PCDHA10: variants seen among roughly 807,000 people sequenced by gnomAD.
PCDHA10 encodes the protein protocadherin alpha-10.
A neutral mutation model predicts 61.2 loss-of-function variants in PCDHA10; 45 were observed. The observed-to-expected ratio is 0.74, with a 90% CI of 0.58 to 0.94. The LOEUF (loss-of-function observed/expected upper bound fraction) is 0.94, where lower values mean the gene tolerates loss of function less well. Ranked by LOEUF, PCDHA10 falls within the 40% of genes least tolerant of loss-of-function variation. The pLI is 0.00. For missense variants in PCDHA10, 1,278 were observed against 1,236.2 expected (o/e 1.03, Z -0.51); for synonymous variants, 602 against 548.8 (o/e 1.10, Z -1.35).
intron 3 of PCDHA10, among the ~76,000 whole-genome samples, chr5:140,999,772 T>A (rs1186405321): frequency 6.6e-6 from 1 of 152,182 alleles, no homozygotes; most frequent in Non-Finnish European, 1.5e-5. Flanking sequence ...CTTTATACTC[T>A]TAACCTAGAA....
At chr5:140,994,717 A>G (rs1350882833) in intron 3 of PCDHA10, among the ~76,000 whole-genome samples, 4 of 152,164 alleles carry the variant, frequency 2.6e-5, no homozygotes, top group African/African-American at 9.6e-5. Context: ...AAAAAAATTT[A>G]AAATACTGGG....
intron 1 of PCDHA10, among the ~76,000 whole-genome samples, chr5:140,925,385 C>G (rs559735505): frequency 6.4e-4 from 97 of 152,144 alleles, no homozygotes; most frequent in Non-Finnish European, 1.2e-3. Context: ...AATGAGTCTC[C>G]TTTTGGCTCG....
intron 1 of PCDHA10, chr5:140,869,781 T>C (rs781934601): frequency 6.2e-7 from 1 of 1,612,992 alleles, no homozygotes; most frequent in South Asian, 1.1e-5. Context: ...CTGGCACCGT[T>C]CGGCTGTTAG....
In PCDHA10 at chr5:140,857,500, G is replaced by A; in HGVS notation, c.1452G>A (p.Gln484=). The change falls in exon 1 of 4, where the codon CAG becomes CAA. Residue 484 remains glutamine (Q), a synonymous_variant. Transcript: ENST00000307360. The stretch of plus-strand genomic sequence containing the variant: ...TGTCTGCGTGGGACGCGGACGCGCA[G>A]GAGAACGCCCTGGTGTCCTACTCTC... ...FTVSAWDADA[Q]ENALVSYSLV... is the part of the protein sequence containing the mutation. 1.3e-6 allele frequency: 2 copies of A among 1,598,362 alleles called. 1 individual carries two copies. Among genetic ancestry groups the A allele is most frequent in the Non-Finnish European group, 1.7e-6 (2 of 1,167,860 alleles).
intron 1 of PCDHA10, among the ~76,000 whole-genome samples, chr5:140,951,082 C>CT (rs573059224): frequency 1.2e-3 from 178 of 151,520 alleles, no homozygotes; most frequent in African/African-American, 4.1e-3. Context: ...TTATATTTTC[C>CT]TTTTTTTCTG....
At chr5:140,876,315 C>G (rs2056279391) in intron 1 of PCDHA10, 1 of 1,613,840 alleles carries the variant, frequency 6.2e-7, no homozygotes, top group African/African-American at 1.3e-5. Flanking sequence ...CCTATGGGAT[C>G]AAAATGATTT....
At position 140,928,478 on chromosome 5, in the gene PCDHA10, A is replaced by T. The variant is rs1554205922; in HGVS notation, c.2389-50471A>T. Reference sequence around the variant, plus strand: ...TTTCATTTCCAAGTAGAAGGCCGGGATGGTGGCATTCCTCCCAGAAGTGCA... The same window carrying T: ...TTTCATTTCCAAGTAGAAGGCCGGGTTGGTGGCATTCCTCCCAGAAGTGCA... On this transcript the variant is annotated intron_variant, in intron 1 of 3. Coordinates refer to ENST00000307360, the MANE Select transcript of PCDHA10 (RefSeq NM_018901.4). 2.5e-5 allele frequency: 40 copies of T among 1,614,132 alleles called. No individual in the cohort carries two copies. The highest frequency in any genetic ancestry group is 3.3e-5 in the Non-Finnish European group (39 of 1,180,008).
At chr5:140,973,472 T>C (rs572763440) in intron 1 of PCDHA10, among the ~76,000 whole-genome samples, 3 of 152,220 alleles carry the variant, frequency 2.0e-5, no homozygotes, top group Non-Finnish European at 4.4e-5. Flanking sequence ...AGTTTGCAAA[T>C]TTCATATTGG....
rs1349053689 is a variant in PCDHA10 at position 140,855,989 on chromosome 5, A to C, written c.-60A>C. The C allele has an allele frequency of 3.4e-6, 5 of 1,484,810 alleles. No homozygotes were observed. The African/African-American group carries it at 7.0e-5, about 21-fold the overall frequency. The allele number at this position is 1,484,810 out of a possible 1,614,324, so 92.0% of individuals were successfully genotyped here. ...TATAAGAAATAGGACAGAAAATGTCAGATCGTATGTGCGTTCTAGACCGCT... is the reference window on the plus strand; with the variant it reads ...TATAAGAAATAGGACAGAAAATGTCCGATCGTATGTGCGTTCTAGACCGCT... On this transcript the variant is annotated 5_prime_UTR_variant, in exon 1 of 4. Transcript: ENST00000307360.
At chr5:140,923,373 T>A (rs1354356076) in intron 1 of PCDHA10, among the ~76,000 whole-genome samples, 4 of 152,048 alleles carry the variant, frequency 2.6e-5, no homozygotes, top group South Asian at 2.1e-4. Flanking sequence ...AAAATATTTT[T>A]AAAAATTAGT....
intron 1 of PCDHA10, among the ~76,000 whole-genome samples, chr5:140,935,416 A>G (rs35902736): frequency 0.059 from 8,919 of 152,326 alleles, 374 homozygotes; most frequent in Non-Finnish European, 0.083. Context: ...ATGGACTTAG[A>G]AAACAATTTC....
chr5:140,982,475 C>T lies in PCDHA10; in HGVS notation c.2448C>T (p.Ser816=). The change falls in exon 3 of 4, where the codon AGC becomes AGT. Residue 816 remains serine, a splice_region_variant and synonymous_variant. Coordinates refer to ENST00000307360, the MANE Select transcript of PCDHA10 (RefSeq NM_018901.4). ...TATCTGGGTCTGTGTGTTTATTCAG[C>T]TCTGTGCACCTAGAGGAGGCTGGCA... The part of the protein sequence containing the change: ...YSASLRAGMH[S]SVHLEEAGIL... 1 of 1,614,154 alleles carries T rather than the reference C, an allele frequency of 6.2e-7. No homozygotes were observed. Among genetic ancestry groups the T allele is most frequent in the African/African-American group, 1.3e-5 (1 of 75,040 alleles).
At chr5:140,920,329 G>A (rs556077448) in intron 1 of PCDHA10, among the ~76,000 whole-genome samples, 8 of 152,080 alleles carry the variant, frequency 5.3e-5, no homozygotes, top group South Asian at 4.2e-4. Flanking sequence ...TATATTTATG[G>A]CATTTCTTAT....
At chr5:140,895,968 G>C (rs190056652) in intron 1 of PCDHA10, among the ~76,000 whole-genome samples, 4 of 151,938 alleles carry the variant, frequency 2.6e-5, no homozygotes, top group African/African-American at 4.8e-5. Flanking sequence ...CTGTCACCAG[G>C]CCTAGCTAAT....
intron 1 of PCDHA10, chr5:140,926,825 G>GT (rs1175916332): frequency 1.3e-6 from 2 of 1,499,578 alleles, no homozygotes; most frequent in Non-Finnish European, 1.8e-6. Flanking sequence ...CTCTCCAGGA[G>GT]TCCGGAGCAT....
intron 1 of PCDHA10, chr5:140,859,968 T>A (rs1262644180): frequency 6.6e-6 from 1 of 151,956 alleles, no homozygotes; most frequent in Non-Finnish European, 1.5e-5. Flanking sequence ...AAGTCTCAGG[T>A]ATACAAGTGC....
intron 1 of PCDHA10, chr5:140,876,682 T>C (rs782271076): frequency 5.6e-6 from 9 of 1,614,180 alleles, no homozygotes; most frequent in Non-Finnish European, 4.2e-6. Context: ...CTACAAGAAT[T>C]ACTACTCGTT....
chr5:140,883,065 C>G, intron 1 of PCDHA10: 1 of 1,614,056 alleles, frequency 6.2e-7, no homozygotes, highest in Non-Finnish European at 8.5e-7. Context: ...AAGCTAAATG[C>G]CACAGATCCT....
intron 1 of PCDHA10, among the ~76,000 whole-genome samples, chr5:140,950,426 AC>A (rs386419652): frequency 1.3e-5 from 2 of 151,870 alleles, no homozygotes; most frequent in Admixed American, 6.6e-5. Flanking sequence ...ATTTTCTTCC[AC>A]TTAAAAAAAA....
Sources: gnomAD v4.1 joint callset for allele counts (sites outside exome capture counted in the v4.1 genomes callset) on GRCh38, gnomAD v4.1.1 for gene constraint, MANE v1.5 for transcripts, NCBI Gene and HGNC (gene_info 2026-07-23, HGNC 2026-07-21) for gene names.